Variants in SLC4A4 observed in about 807,000 individuals in gnomAD.
The protein encoded by SLC4A4 is solute carrier family 4 member 4.
SLC4A4 carries 27 observed loss-of-function variants against 111.5 expected under a neutral mutation model. That is an observed-to-expected ratio of 0.24 (90% CI 0.18 to 0.33). SLC4A4 has a LOEUF of 0.33. Ranked by LOEUF, SLC4A4 falls within the 10% of genes least tolerant of loss-of-function variation. The pLI is 1.00. For synonymous variants in SLC4A4, 443 were observed against 463.4 expected, an observed-to-expected ratio of 0.96 and a Z score of 0.57; for missense variants, 909 against 1,315.5, an observed-to-expected ratio of 0.69 and a Z score of 4.78.
At chr4:71,101,615 T>G (rs749123694) in intron 2 of SLC4A4, among the ~76,000 whole-genome samples, 2 of 152,178 alleles carry the variant, frequency 1.3e-5, no homozygotes, top group Admixed American at 1.3e-4. Context: ...CCCTGACCCC[T>G]GACCCCCGAG....
intron 14 of SLC4A4, 164 bp downstream of exon 14, chr4:71,473,134 AT>A: frequency 2.5e-6 from 2 of 787,910 alleles, no homozygotes; most frequent in Non-Finnish European, 4.4e-6. Context: ...TGCCTGAGGT[AT>A]TTTAGCTGTA....
intron 1 of SLC4A4, among the ~76,000 whole-genome samples, chr4:71,076,153 G>T (rs1022490563): frequency 3.9e-5 from 6 of 151,982 alleles, no homozygotes; most frequent in African/African-American, 1.5e-4. Context: ...AAACTCCACT[G>T]AGGACAAAAC....
At chr4:71,419,105 G>T (rs573758018) in intron 7 of SLC4A4, among the ~76,000 whole-genome samples, 15 of 152,148 alleles carry the variant, frequency 9.9e-5, no homozygotes, top group Non-Finnish European at 1.8e-4. Flanking sequence ...TGCCCCTACT[G>T]GGGGGTGCCT....
intron 2 of SLC4A4, among the ~76,000 whole-genome samples, chr4:71,163,422 T>C (rs1162500142): frequency 6.6e-6 from 1 of 152,214 alleles, no homozygotes; most frequent in Middle Eastern, 3.2e-3. Flanking sequence ...ATACCAGATA[T>C]AGTCTTTGGT....
At position 71,297,380 on chromosome 4, in the gene SLC4A4, G is replaced by A. The variant is rs183288313; in HGVS notation, c.253+41981G>A. On this transcript the variant is annotated intron_variant, in intron 3 of 25. Coordinates refer to ENST00000264485, the MANE Select transcript of SLC4A4 (RefSeq NM_001098484.3). Reference sequence around the variant, plus strand: ...CCGTGTAGCATCATACATCTTCTCTGCAAAGTCATATTACACTGAGATTGT... The same window carrying A: ...CCGTGTAGCATCATACATCTTCTCTACAAAGTCATATTACACTGAGATTGT... 3.7e-3 allele frequency among the ~76,000 whole-genome samples: 558 copies of A among 152,156 alleles called. 1 individual carries two copies. The highest frequency in any genetic ancestry group is 0.014 in the Middle Eastern group (4 of 294).
intron 12 of SLC4A4, among the ~76,000 whole-genome samples, chr4:71,465,983 A>G (rs978976012): frequency 6.6e-6 from 1 of 152,112 alleles, no homozygotes; most frequent in Non-Finnish European, 1.5e-5. Flanking sequence ...TCTCTAGGAA[A>G]AAAATAGCTT....
At chr4:71,292,825 T>C (rs1050091175) in intron 3 of SLC4A4, among the ~76,000 whole-genome samples, 2 of 150,198 alleles carry the variant, frequency 1.3e-5, no homozygotes, top group African/African-American at 4.9e-5. Flanking sequence ...GAGTATGTCT[T>C]ACTTTTGGTT....
In SLC4A4 at chr4:71,569,744, T is replaced by C. The variant is rs1273624381; in HGVS notation, c.*1993T>C. Reference sequence around the variant, plus strand: ...CATTGTTATGTTAATTAAGTTATTATTCTGTCTCCTTGTAATTTTGATTAC... The same window carrying C: ...CATTGTTATGTTAATTAAGTTATTACTCTGTCTCCTTGTAATTTTGATTAC... On this transcript the variant is annotated 3_prime_UTR_variant, in exon 26 of 26. Transcript: ENST00000264485. 1.3e-5 allele frequency: 2 copies of C among 151,708 alleles called. No individual in the cohort carries two copies. Among genetic ancestry groups the C allele is most frequent in the Admixed American group, 1.3e-4 (2 of 15,182 alleles). The allele number at this position is 151,708 out of a possible 1,614,324, so 9.4% of individuals were successfully genotyped here. A position where few individuals can be genotyped will look rare whatever the true frequency, so the allele number is the denominator to read the frequency against.
At chr4:71,446,191 A>AT (rs905096830) in intron 8 of SLC4A4, among the ~76,000 whole-genome samples, 10 of 152,188 alleles carry the variant, frequency 6.6e-5, no homozygotes, top group African/African-American at 2.4e-4. Flanking sequence ...GATAAAAAAA[A>AT]AGTAATTATA....
intron 6 of SLC4A4, among the ~76,000 whole-genome samples, chr4:71,387,183 A>C (rs1157376084): frequency 2.0e-5 from 3 of 152,122 alleles, no homozygotes; most frequent in African/African-American, 4.8e-5. Flanking sequence ...AGAGTTTTGC[A>C]GGGAAGATGT....
chr4:71,367,970 ATAGAT>A (rs1731479238), intron 6 of SLC4A4, among the ~76,000 whole-genome samples: 1 of 152,178 alleles, frequency 6.6e-6, no homozygotes, highest in African/African-American at 2.4e-5. Context: ...ACTTATGTGA[ATAGAT>A]TATCTCATAT....
At chr4:71,506,201 G>A (rs1731402504) in intron 16 of SLC4A4, among the ~76,000 whole-genome samples, 1 of 152,110 alleles carries the variant, frequency 6.6e-6, no homozygotes, top group African/African-American at 2.4e-5. Context: ...TTTTAAAATA[G>A]TTTTTTCTAA....
chr4:71,147,546 C>T (rs942400579), intron 2 of SLC4A4, among the ~76,000 whole-genome samples: 122 of 152,190 alleles, frequency 8.0e-4, no homozygotes, highest in African/African-American at 2.8e-3. Context: ...GGTTTTTCTG[C>T]CAGTGCTCTA....
Position 71,485,925 on chromosome 4 carries a change from A to G in SLC4A4, c.1904-1023A>G, listed in dbSNP as rs569214216. On this transcript the variant is annotated intron_variant, in intron 14 of 25. Coordinates refer to ENST00000264485, the MANE Select transcript of SLC4A4 (RefSeq NM_001098484.3). Reference sequence around the variant, plus strand: ...AGCTTCTTCTGTCCCTCCCTTATGGATCTCATACTCTAATGTCAGCTATCA... The same window carrying G: ...AGCTTCTTCTGTCCCTCCCTTATGGGTCTCATACTCTAATGTCAGCTATCA... 2.6e-5 allele frequency among the ~76,000 whole-genome samples: 4 copies of G among 151,616 alleles called. No individual in the cohort carries two copies. In the South Asian group the frequency reaches 8.3e-4, roughly 31 times the overall value.
chr4:71,326,753 A>T (rs532183841), intron 3 of SLC4A4, among the ~76,000 whole-genome samples: 143 of 152,138 alleles, frequency 9.4e-4, no homozygotes, highest in African/African-American at 3.3e-3. Flanking sequence ...GAGCTATTGT[A>T]AAGCATGACA....
intron 3 of SLC4A4, among the ~76,000 whole-genome samples, chr4:71,331,341 T>A (rs1026195252): frequency 1.4e-4 from 22 of 152,246 alleles, no homozygotes; most frequent in Middle Eastern, 3.4e-3. Flanking sequence ...CAAATGTCCA[T>A]GAATGATAGA....
At chr4:71,063,273 G>A (rs1218656777) in intron 1 of SLC4A4, among the ~76,000 whole-genome samples, 1 of 152,108 alleles carries the variant, frequency 6.6e-6, no homozygotes, top group Non-Finnish European at 1.5e-5. Context: ...CAATTTTATT[G>A]GTAGTTTCTA....
rs1719835848 is a variant in SLC4A4 at position 71,236,666 on chromosome 4, T to G, written c.73+17T>G. 1 of 1,603,020 alleles carries G rather than the reference T, an allele frequency of 6.2e-7. No individual in the cohort carries two copies. The highest frequency in any genetic ancestry group is 1.3e-5 in the African/African-American group (1 of 74,706). On this transcript the variant is annotated intron_variant, in intron 2 of 25. Coordinates refer to ENST00000264485, the MANE Select transcript of SLC4A4 (RefSeq NM_001098484.3). ...AAGTAGAAGGTGAGCTTTATGGGTC[T>G]GGGAAAGTGTCTGTTGACATACATA...
At chr4:71,356,385 A>T (rs529980371) in intron 5 of SLC4A4, among the ~76,000 whole-genome samples, 37 of 152,344 alleles carry the variant, frequency 2.4e-4, no homozygotes, top group Non-Finnish European at 4.9e-4. Flanking sequence ...CCCAATGGAA[A>T]TATACTGGAA....
Sources: gnomAD v4.1 joint callset for allele counts (sites outside exome capture counted in the v4.1 genomes callset) on GRCh38, gnomAD v4.1.1 for gene constraint, MANE v1.5 for transcripts, NCBI Gene and HGNC (gene_info 2026-07-23, HGNC 2026-07-21) for gene names.